Variants in CADM1 observed in about 807,000 individuals in gnomAD.
CADM1 encodes the protein TSLC-1.
CADM1 carries 15 observed loss-of-function variants against 53.1 expected under a neutral mutation model. The ratio of observed to expected loss-of-function variants is 0.28; its 90% CI spans 0.19 to 0.44. CADM1 has a LOEUF of 0.44. Among genes scored for constraint, CADM1 ranks in the 20% least tolerant of loss-of-function variants. The probability of loss-of-function intolerance (pLI) is 1.00; values close to 1 mark genes in which losing one functional copy is unlikely to be tolerated. For missense variants in CADM1, 434 were observed against 611.3 expected, an observed-to-expected ratio of 0.71 and a Z score of 3.06; for synonymous variants, 281 against 243.0, an observed-to-expected ratio of 1.16 and a Z score of -1.45.
chr11:115,284,114 C>CTCTCTCTCTCTCTGTGTGTG (rs1351842329), intron 1 of CADM1, among the ~76,000 whole-genome samples: 7 of 98,614 alleles, frequency 7.1e-5, no homozygotes, highest in Non-Finnish European at 8.5e-5. Flanking sequence ...CTCTCTCTCT[C>CTCTCTCTCTCTCTGTGTGTG]TGTGTGTGTG....
intron 1 of CADM1, among the ~76,000 whole-genome samples, chr11:115,252,745 T>TAA (rs199833538): frequency 1.4e-5 from 2 of 146,396 alleles, no homozygotes; most frequent in Non-Finnish European, 3.0e-5. Context: ...CTGTAAAACC[T>TAA]AAAAAAAAAA....
At chr11:115,196,329 AC>A (rs1406777038) in intron 9 of CADM1, among the ~76,000 whole-genome samples, 1 of 152,108 alleles carries the variant, frequency 6.6e-6, no homozygotes, top group Non-Finnish European at 1.5e-5. Context: ...CAAATTTCCT[AC>A]TTCGAATAGC....
At chr11:115,348,915 AG>A (rs1197684576) in intron 1 of CADM1, among the ~76,000 whole-genome samples, 8 of 152,210 alleles carry the variant, frequency 5.3e-5, no homozygotes, top group African/African-American at 1.9e-4. Context: ...AGCTAGACTC[AG>A]TGCATGTATT....
At chr11:115,222,627 A>G (rs1455734002) in intron 5 of CADM1, among the ~76,000 whole-genome samples, 1 of 152,056 alleles carries the variant, frequency 6.6e-6, no homozygotes, top group African/African-American at 2.4e-5. Context: ...GGGCTTCCTG[A>G]AGAGGGCTGA....
At chr11:115,252,357 C>T (rs150926552) in intron 1 of CADM1, among the ~76,000 whole-genome samples, 277 of 152,298 alleles carry the variant, frequency 1.8e-3, no homozygotes, top group African/African-American at 6.2e-3. Flanking sequence ...CATCTATGCA[C>T]TCTCTGTCTA....
chr11:115,448,165 A>G (rs1948493688), intron 1 of CADM1, among the ~76,000 whole-genome samples: 2 of 152,314 alleles, frequency 1.3e-5, no homozygotes, highest in Admixed American at 1.3e-4. Context: ...AAGAATAACT[A>G]TAAATGATTG....
chr11:115,435,005 C>T (rs1344336651), intron 1 of CADM1, among the ~76,000 whole-genome samples: 3 of 151,666 alleles, frequency 2.0e-5, no homozygotes, highest in East Asian at 1.9e-4. Flanking sequence ...GGATTACAGG[C>T]GTGTACCACC....
intron 1 of CADM1, among the ~76,000 whole-genome samples, chr11:115,334,248 G>A (rs1290122116): frequency 6.6e-6 from 1 of 152,282 alleles, no homozygotes; most frequent in Admixed American, 6.5e-5. Context: ...CTCTTCACCA[G>A]AGTGTGGACC....
intron 1 of CADM1, among the ~76,000 whole-genome samples, chr11:115,282,281 A>G (rs1354161168): frequency 6.6e-6 from 1 of 152,206 alleles, no homozygotes; most frequent in Non-Finnish European, 1.5e-5. Flanking sequence ...AAGGAAGCAC[A>G]GCCAAACTGG....
intron 1 of CADM1, among the ~76,000 whole-genome samples, chr11:115,448,258 A>C (rs1186558209): frequency 1.3e-5 from 2 of 152,270 alleles, no homozygotes; most frequent in East Asian, 3.9e-4. Flanking sequence ...TATTTTGACT[A>C]TCAAAATTCC....
intron 1 of CADM1, among the ~76,000 whole-genome samples, chr11:115,280,669 C>T (rs370864702): frequency 3.9e-5 from 6 of 152,316 alleles, no homozygotes; most frequent in Admixed American, 1.3e-4. Flanking sequence ...GCAACAGCTA[C>T]GACTCAGATC....
intron 8 of CADM1, among the ~76,000 whole-genome samples, chr11:115,208,043 T>C (rs928315536): frequency 3.3e-5 from 5 of 152,192 alleles, no homozygotes; most frequent in East Asian, 1.9e-4. Context: ...GTGAATAGTA[T>C]AGAAAATGGA....
intron 1 of CADM1, among the ~76,000 whole-genome samples, chr11:115,475,671 C>T (rs771843080): frequency 6.6e-6 from 1 of 152,176 alleles, no homozygotes; most frequent in South Asian, 2.1e-4. Context: ...AAAGAAGCTA[C>T]ATTCAAAAAT....
At chr11:115,214,069 T>C (rs1247830587) in intron 7 of CADM1, among the ~76,000 whole-genome samples, 1 of 152,200 alleles carries the variant, frequency 6.6e-6, no homozygotes. Flanking sequence ...AACAGACACA[T>C]TTTTTAAAAA....
chr11:115,277,621 C>A (rs545923139), intron 1 of CADM1, among the ~76,000 whole-genome samples: 51 of 152,288 alleles, frequency 3.3e-4, no homozygotes, highest in African/African-American at 1.1e-3. Flanking sequence ...TATACGCCAT[C>A]CTCATGCTTG....
At chr11:115,288,536 C>A (rs1943792910) in intron 1 of CADM1, among the ~76,000 whole-genome samples, 1 of 152,074 alleles carries the variant, frequency 6.6e-6, no homozygotes. Context: ...AGGGTTACAT[C>A]AAAGACAAGC....
intron 10 of CADM1, among the ~76,000 whole-genome samples, chr11:115,186,412 G>A (rs934531226): frequency 2.0e-5 from 3 of 152,158 alleles, no homozygotes; most frequent in African/African-American, 4.8e-5. Context: ...GCTGCAGAGA[G>A]CCTGACTTTT....
At chr11:115,437,220 T>C (rs889332761) in intron 1 of CADM1, among the ~76,000 whole-genome samples, 5 of 152,074 alleles carry the variant, frequency 3.3e-5, no homozygotes, top group African/African-American at 4.8e-5. Flanking sequence ...GCCCCAGAGG[T>C]GGAATAAAAA....
chr11:115,367,572 G>A (rs183494725), intron 1 of CADM1, among the ~76,000 whole-genome samples: 1 of 152,142 alleles, frequency 6.6e-6, no homozygotes, highest in Admixed American at 6.5e-5. Context: ...GAATCCCACT[G>A]CCCAGTCAAC....
Sources: allele counts gnomAD v4.1 joint callset (sites outside exome capture counted in the v4.1 genomes callset), GRCh38; gene constraint gnomAD v4.1.1; transcripts MANE v1.5; gene names NCBI Gene and HGNC (gene_info 2026-07-23, HGNC 2026-07-21).